Variants in ABCC11 observed in about 807,000 individuals in gnomAD.
ABCC11 encodes the protein ATP binding cassette subfamily C member 11, also known as ATP-binding cassette sub-family C member 11.
ABCC11 carries 135 observed loss-of-function variants against 149.3 expected under a neutral mutation model. That is an observed-to-expected ratio of 0.90 (90% CI 0.79 to 1.04). The LOEUF (loss-of-function observed/expected upper bound fraction) is 1.04, where lower values mean the gene tolerates loss of function less well. Ranked by LOEUF, ABCC11 falls within the 50% of genes least tolerant of loss-of-function variation. The probability of loss-of-function intolerance (pLI) is 0.00; values close to 1 mark genes in which losing one functional copy is unlikely to be tolerated. For missense variants in ABCC11, 1,680 were observed against 1,722.1 expected, an observed-to-expected ratio of 0.98 and a Z score of 0.43; for synonymous variants, 665 against 671.4, an observed-to-expected ratio of 0.99 and a Z score of 0.15.
chr16:48,172,181 T>C (rs1395703595), intron 26 of ABCC11, among the ~76,000 whole-genome samples: 1 of 152,206 alleles, frequency 6.6e-6, no homozygotes, highest in Non-Finnish European at 1.5e-5. Context: ...TGTCCATCCA[T>C]ATTGTAGCAT....
intron 10 of ABCC11, among the ~76,000 whole-genome samples, chr16:48,212,879 A>T (rs1217915732): frequency 6.6e-6 from 1 of 152,160 alleles, no homozygotes; most frequent in Non-Finnish European, 1.5e-5. Flanking sequence ...AGTGAAGTGG[A>T]CCATTTTTAA....
At chr16:48,208,363 T>C in intron 12 of ABCC11, 62 bp downstream of exon 12, 1 of 1,603,368 alleles carries the variant, frequency 6.2e-7, no homozygotes, top group Non-Finnish European at 8.5e-7. Flanking sequence ...CCTGGGGCAC[T>C]GGAGCTTGGG....
intron 20 of ABCC11, 44 bp from the exon 21 acceptor site, chr16:48,187,471 C>T (rs1353190798): frequency 2.0e-6 from 3 of 1,513,774 alleles, no homozygotes; most frequent in Admixed American, 3.8e-5. Flanking sequence ...AAGCTGCAGG[C>T]CCTGCTCAAG....
At chr16:48,181,269 G>C (rs1230107463) in intron 23 of ABCC11, among the ~76,000 whole-genome samples, 1 of 150,924 alleles carries the variant, frequency 6.6e-6, no homozygotes, top group African/African-American at 2.4e-5. Flanking sequence ...ATGTGTATCA[G>C]AGAGAGAGAG....
At chr16:48,170,272 C>T in intron 27 of ABCC11, 54 bp from the exon 28 acceptor site, 1 of 1,355,818 alleles carries the variant, frequency 7.4e-7, no homozygotes, top group Non-Finnish European at 1.1e-6. Flanking sequence ...TGGGGTGAGA[C>T]CCAACCTGAC....
At position 48,167,171 on chromosome 16, in the gene ABCC11, T is replaced by G; in HGVS notation, c.*103A>C. On this transcript the variant is annotated 3_prime_UTR_variant, in exon 30 of 30. Transcript: ENST00000356608. ...CATTTACCCCTGCTTCCAGGAGAAG[T>G]TCTCATCTCCAAACAAGAAGGTCGC... The G allele has an allele frequency of 5.7e-5, 26 of 453,220 alleles. No individual in the cohort carries two copies. Among genetic ancestry groups the G allele is most frequent in the East Asian group, 1.1e-4 (2 of 18,806 alleles). 28.1% of individuals were successfully genotyped at this position (453,220 alleles called of 1,614,324 possible).
Position 48,241,151 on chromosome 16 carries a change from G to C in ABCC11, c.-19+6163C>G, listed in dbSNP as rs1376955588. 2.0e-5 allele frequency among the ~76,000 whole-genome samples: 3 copies of C among 152,078 alleles called. No homozygotes were observed. The East Asian group carries it at 5.8e-4, about 29-fold the overall frequency. On this transcript the variant is annotated intron_variant, in intron 1 of 29. Transcript: ENST00000356608. Reference sequence around the variant, plus strand: ...GGATTTCACCATGTTAGCCAGTCTGGTCTCGAACTCCTGACCTCAGATGAT... The same window carrying C: ...GGATTTCACCATGTTAGCCAGTCTGCTCTCGAACTCCTGACCTCAGATGAT...
chr16:48,177,688 A>G lies in ABCC11; in HGVS notation c.3349-575T>C, dbSNP rs1193577534. On this transcript the variant is annotated intron_variant, in intron 24 of 29. Coordinates refer to ENST00000356608, the MANE Select transcript of ABCC11 (RefSeq NM_001370497.1). ...AAGTGCAGTTGTGTGTGTTGAGAGG[A>G]AAGAACGCTGGAGAAGAAGTTGGAT... Among the ~76,000 whole-genome samples the G allele has an allele frequency of 3.3e-5, 5 of 152,326 alleles. No homozygotes were observed. In the East Asian group the frequency reaches 7.7e-4, roughly 24 times the overall value.
At position 48,198,140 on chromosome 16, in the gene ABCC11, C is replaced by A; in HGVS notation, c.2217+1G>T. ...AGTGAGGGCAGTGGGGCAGGACTCA[C>A]CGAAGTGGCTTCCTTGTGCATCTTC... On this transcript the variant is annotated splice_donor_variant, in intron 16 of 29. Coordinates refer to ENST00000356608, the MANE Select transcript of ABCC11 (RefSeq NM_001370497.1). LOFTEE classifies it high-confidence loss of function. The A allele has an allele frequency of 6.2e-7, 1 of 1,614,186 alleles. No individual in the cohort carries two copies. Among genetic ancestry groups the A allele is most frequent in the Non-Finnish European group, 8.5e-7 (1 of 1,180,038 alleles).
chr16:48,246,689 C>G (rs1971406924), intron 1 of ABCC11, among the ~76,000 whole-genome samples: 1 of 152,136 alleles, frequency 6.6e-6, no homozygotes, highest in Non-Finnish European at 1.5e-5. Flanking sequence ...ATCGTCCTGC[C>G]TCAGCTTCTG....
intron 1 of ABCC11, among the ~76,000 whole-genome samples, chr16:48,234,196 G>A (rs182470410): frequency 6.0e-4 from 91 of 152,274 alleles, no homozygotes; most frequent in African/African-American, 2.0e-3. Context: ...TGCAGAGCTG[G>A]GAAGAGATGC....
In ABCC11 at chr16:48,203,174, T is replaced by C. The variant is rs531462477; in HGVS notation, c.1878+54A>G. 1.5e-5 allele frequency: 22 copies of C among 1,495,796 alleles called. No homozygotes were observed. In the East Asian group the frequency reaches 2.7e-4, roughly 18 times the overall value. The allele number at this position is 1,495,796 out of a possible 1,614,324, so 92.7% of individuals were successfully genotyped here. A position where few individuals can be genotyped will look rare whatever the true frequency, so the allele number is the denominator to read the frequency against. The stretch of plus-strand genomic sequence containing the variant: ...CCCTTCCCTGCCTGGGGAGGCAGCA[T>C]GAACATAAGAGCACCAACATTACAC... On this transcript the variant is annotated intron_variant, in intron 14 of 29. Coordinates refer to ENST00000356608, the MANE Select transcript of ABCC11 (RefSeq NM_001370497.1).
At chr16:48,236,481 A>C (rs985110588) in intron 1 of ABCC11, among the ~76,000 whole-genome samples, 1 of 152,198 alleles carries the variant, frequency 6.6e-6, no homozygotes, top group Non-Finnish European at 1.5e-5. Context: ...TGTTTTCTGC[A>C]TACCTCATTG....
chr16:48,184,905 G>C (rs547564375), intron 22 of ABCC11, among the ~76,000 whole-genome samples: 1 of 152,352 alleles, frequency 6.6e-6, no homozygotes, highest in African/African-American at 2.4e-5. Flanking sequence ...TCAGGGATGG[G>C]TGAGTTACCC....
intron 26 of ABCC11, among the ~76,000 whole-genome samples, chr16:48,173,613 G>A (rs1392561153): frequency 6.6e-6 from 1 of 151,874 alleles, no homozygotes. Context: ...CCATTTTTTT[G>A]TTGTTTTGTG....
chr16:48,241,258 T>G (rs28842015), intron 1 of ABCC11, among the ~76,000 whole-genome samples: 19,917 of 152,152 alleles, frequency 0.13, 1,617 homozygotes, highest in African/African-American at 0.23. Flanking sequence ...TTCATGGTAT[T>G]TGGCCCCAAA....
intron 23 of ABCC11, among the ~76,000 whole-genome samples, chr16:48,179,427 C>T (rs1436342107): frequency 6.6e-6 from 1 of 152,244 alleles, no homozygotes; most frequent in African/African-American, 2.4e-5. Context: ...GGAGGCAGAG[C>T]TGGGCTTGGG....
chr16:48,171,587 A>C (rs1422208781), intron 26 of ABCC11, among the ~76,000 whole-genome samples: 1 of 152,254 alleles, frequency 6.6e-6, no homozygotes, highest in Admixed American at 6.5e-5. Context: ...TTATCATTTT[A>C]ACCACTTAAA....
intron 22 of ABCC11, among the ~76,000 whole-genome samples, chr16:48,185,169 G>T (rs1966681842): frequency 6.6e-6 from 1 of 152,092 alleles, no homozygotes; most frequent in Non-Finnish European, 1.5e-5. Flanking sequence ...CTCCTCCCCA[G>T]CCTTTTGCTA....
Sources: allele counts gnomAD v4.1 joint callset (sites outside exome capture counted in the v4.1 genomes callset), GRCh38; gene constraint gnomAD v4.1.1; transcripts MANE v1.5; gene names NCBI Gene and HGNC (gene_info 2026-07-23, HGNC 2026-07-21).